COL24A1: variants seen among roughly 807,000 people sequenced by gnomAD.
The protein encoded by COL24A1 is collagen type XXIV alpha 1 chain, also known as collagen alpha-1(XXIV) chain.
COL24A1 carries 224 observed loss-of-function variants against 253.9 expected under a neutral mutation model. That is an observed-to-expected ratio of 0.88 (90% CI 0.79 to 0.99). The LOEUF (loss-of-function observed/expected upper bound fraction) is 0.99. COL24A1 is among the 50% of genes least tolerant of loss of function. The pLI is 0.00. For synonymous variants in COL24A1, 685 were observed against 673.7 expected (o/e 1.02, Z -0.26); for missense variants, 2,131 against 2,068.5 (o/e 1.03, Z -0.59).
intron 7 of COL24A1, among the ~76,000 whole-genome samples, chr1:86,070,740 T>A (rs116246854): frequency 0.011 from 1,600 of 151,920 alleles, 15 homozygotes; most frequent in Middle Eastern, 0.017. Context: ...CCAGCAAAAA[T>A]AGGCTTTAAG....
chr1:86,136,803 A>G (rs1387398618), intron 2 of COL24A1, among the ~76,000 whole-genome samples: 1 of 152,060 alleles, frequency 6.6e-6, no homozygotes, highest in Non-Finnish European at 1.5e-5. Flanking sequence ...AGTGGGGAAT[A>G]CTCTCTAGAT....
chr1:85,737,908 A>G (rs1664224942), intron 57 of COL24A1, among the ~76,000 whole-genome samples: 1 of 152,176 alleles, frequency 6.6e-6, no homozygotes, highest in Non-Finnish European at 1.5e-5. Flanking sequence ...ATATTATCAC[A>G]GTTTCACCTG....
chr1:86,032,406 G>A (rs1481227018), intron 13 of COL24A1, among the ~76,000 whole-genome samples: 1 of 152,062 alleles, frequency 6.6e-6, no homozygotes, highest in African/African-American at 2.4e-5. Context: ...TGTTCTCACT[G>A]TAAATATCAC....
intron 2 of COL24A1, among the ~76,000 whole-genome samples, chr1:86,135,159 C>G (rs1178332425): frequency 6.6e-6 from 1 of 151,858 alleles, no homozygotes; most frequent in East Asian, 1.9e-4. Context: ...TTATCAGAGG[C>G]TAGGATTGCA....
intron 7 of COL24A1, among the ~76,000 whole-genome samples, chr1:86,082,731 T>C (rs1335773542): frequency 1.4e-5 from 2 of 146,162 alleles, no homozygotes; most frequent in Non-Finnish European, 3.0e-5. Flanking sequence ...TAATAATTAA[T>C]TTATTATAAT....
chr1:85,971,106 G>A (rs1692119522), intron 21 of COL24A1, among the ~76,000 whole-genome samples: 1 of 152,090 alleles, frequency 6.6e-6, no homozygotes, highest in Non-Finnish European at 1.5e-5. Flanking sequence ...CTACTTGGGA[G>A]GGTGAGGCAG....
chr1:85,818,123 A>G (rs375476621), intron 45 of COL24A1, 36 bp from the exon 46 acceptor site: 50 of 1,551,228 alleles, frequency 3.2e-5, no homozygotes, highest in Admixed American at 6.7e-5. Context: ...ATTGACTGTA[A>G]TAATCTTACT....
At chr1:85,868,889 CT>C in intron 35 of COL24A1, 54 bp from the exon 36 acceptor site, 1 of 1,288,844 alleles carries the variant, frequency 7.8e-7, no homozygotes, top group Non-Finnish European at 1.1e-6. Context: ...TATCATTTAT[CT>C]TATTTTATTT....
intron 31 of COL24A1, among the ~76,000 whole-genome samples, chr1:85,891,088 T>C (rs1036743573): frequency 3.3e-5 from 5 of 151,980 alleles, no homozygotes; most frequent in Non-Finnish European, 1.5e-5. Context: ...TCTCATTCTG[T>C]CACCCAGACT....
At chr1:85,940,716 T>C (rs1052187431) in intron 24 of COL24A1, among the ~76,000 whole-genome samples, 6 of 152,202 alleles carry the variant, frequency 3.9e-5, no homozygotes, top group Admixed American at 3.9e-4. Context: ...AACGTTTCCC[T>C]AACAACTATT....
intron 47 of COL24A1, among the ~76,000 whole-genome samples, chr1:85,812,617 A>G (rs1347345374): frequency 6.6e-6 from 1 of 152,212 alleles, no homozygotes; most frequent in Non-Finnish European, 1.5e-5. Context: ...AATGATAAGA[A>G]GGTCCGAGGA....
At chr1:85,862,623 T>C (rs1679286999) in intron 37 of COL24A1, among the ~76,000 whole-genome samples, 1 of 152,190 alleles carries the variant, frequency 6.6e-6, no homozygotes, top group Non-Finnish European at 1.5e-5. Context: ...TGTACAGCTC[T>C]TTAGTGGGAG....
intron 20 of COL24A1, among the ~76,000 whole-genome samples, chr1:85,983,535 T>C (rs1213228611): frequency 1.3e-5 from 2 of 151,906 alleles, no homozygotes; most frequent in African/African-American, 4.8e-5. Context: ...CCCAAATTGT[T>C]TGCAAATAGG....
chr1:85,908,837 AT>A (rs1685095949), intron 26 of COL24A1, among the ~76,000 whole-genome samples, 186 bp from the exon 27 acceptor site: 1 of 151,766 alleles, frequency 6.6e-6, no homozygotes, highest in Non-Finnish European at 1.5e-5. Context: ...ATAAAAAAAA[AT>A]TTTCTGTAGT....
chr1:85,994,411 G>GA (rs56146912), intron 19 of COL24A1, among the ~76,000 whole-genome samples: 15,343 of 141,438 alleles, frequency 0.11, 871 homozygotes, highest in African/African-American at 0.14. Flanking sequence ...AAGTTATCCT[G>GA]AAAAAAAAAA....
intron 55 of COL24A1, among the ~76,000 whole-genome samples, chr1:85,746,807 A>T (rs1665272609): frequency 6.6e-6 from 1 of 152,172 alleles, no homozygotes; most frequent in Admixed American, 6.5e-5. Flanking sequence ...GGTAAACCTA[A>T]AATATTCTCT....
Position 86,125,273 on chromosome 1 carries a change from G to C in COL24A1, c.1063C>G (p.Arg355Gly), listed in dbSNP as rs202234607. 7 of 1,613,544 alleles carry C rather than the reference G, an allele frequency of 4.3e-6. No individual in the cohort carries two copies. The highest frequency in any genetic ancestry group is 5.9e-6 in the Non-Finnish European group (7 of 1,179,770). ...GTATTCATTTTTGCCTCACTGATGC[G>C]ATGAGTGGTCACTGACAGGCTGAAA... is the stretch of plus-strand genomic sequence containing the variant. Reference protein sequence around the residue: ...TNFSLSVTTHRISEAKMNTKE... With the variant: ...TNFSLSVTTHGISEAKMNTKE... Residue 355 changes from arginine to glycine, a missense_variant, in exon 3 of 60, where the codon CGC (arginine) becomes GGC (glycine). Physicochemically the swap from Arg to Gly is moderately radical, Grantham distance 125. Coordinates refer to ENST00000370571, the MANE Select transcript of COL24A1 (RefSeq NM_152890.7).
intron 50 of COL24A1, 80 bp from the exon 51 acceptor site, chr1:85,783,638 G>A (rs1669363802): frequency 7.8e-7 from 1 of 1,288,856 alleles, no homozygotes; most frequent in African/African-American, 1.5e-5. Flanking sequence ...AATCTATCAA[G>A]AATTGCTCTT....
At chr1:86,148,001 C>G (rs1015248551) in intron 1 of COL24A1, among the ~76,000 whole-genome samples, 1 of 152,048 alleles carries the variant, frequency 6.6e-6, no homozygotes. Context: ...GGGTGGGGCT[C>G]AAGAATATGC....
Sources: gnomAD v4.1 joint callset for allele counts (sites outside exome capture counted in the v4.1 genomes callset) on GRCh38, gnomAD v4.1.1 for gene constraint, MANE v1.5 for transcripts, NCBI Gene and HGNC (gene_info 2026-07-23, HGNC 2026-07-21) for gene names.